GALNT17: variants seen among roughly 807,000 people sequenced by gnomAD.
GALNT17 encodes UDP-GalNAc:polypeptide N-acetylgalactosaminyltransferase-like 3.
Under a neutral mutation model 63.7 loss-of-function variants are expected in GALNT17, and 29 were observed. The ratio of observed to expected loss-of-function variants is 0.46; its 90% CI spans 0.34 to 0.62. The LOEUF (loss-of-function observed/expected upper bound fraction) is 0.62. Ranked by LOEUF, GALNT17 falls within the 20% of genes least tolerant of loss-of-function variation. The pLI is 0.01. For missense variants in GALNT17, 603 were observed against 799.6 expected (o/e 0.75, Z 2.97); for synonymous variants, 305 against 318.3 (o/e 0.96, Z 0.45).
chr7:71,380,358 C>A (rs1009683350), intron 2 of GALNT17, among the ~76,000 whole-genome samples: 1 of 151,998 alleles, frequency 6.6e-6, no homozygotes, highest in Non-Finnish European at 1.5e-5. Context: ...ATTTTTGAAA[C>A]AGAATCTTGT....
chr7:71,202,773 G>A (rs1002972581), intron 1 of GALNT17, among the ~76,000 whole-genome samples: 25 of 152,040 alleles, frequency 1.6e-4, no homozygotes, highest in Non-Finnish European at 2.1e-4. Context: ...AAAACCCCAC[G>A]GCCACTGCCA....
At position 71,217,143 on chromosome 7, in the gene GALNT17, TTG is replaced by T. The variant is rs1169924452; in HGVS notation, c.238+84105_238+84106del. ...CATGCACAGCTAATTTTTTCGTGTT[TTG>T]TTTTTTTTTTTTTTTTTTTTGAGAT... On this transcript the variant is annotated intron_variant, in intron 1 of 10. Coordinates refer to ENST00000333538, the MANE Select transcript of GALNT17 (RefSeq NM_022479.3). Among the ~76,000 whole-genome samples, 80 of 140,756 alleles carry T rather than the reference TTG, an allele frequency of 5.7e-4. 1 individual carries two copies. The highest frequency in any genetic ancestry group is 2.0e-3 in the African/African-American group (72 of 35,150). The allele number at this position is 140,756 out of a possible 152,430, so 92.3% of individuals were successfully genotyped here.
At chr7:71,620,954 G>A (rs1162824001) in intron 6 of GALNT17, among the ~76,000 whole-genome samples, 1 of 152,154 alleles carries the variant, frequency 6.6e-6, no homozygotes, top group African/African-American at 2.4e-5. Flanking sequence ...CTGCCTGTGG[G>A]ACAATGGACT....
At chr7:71,310,553 A>T (rs1056587831) in intron 1 of GALNT17, among the ~76,000 whole-genome samples, 1 of 152,200 alleles carries the variant, frequency 6.6e-6, no homozygotes. Flanking sequence ...TTACCTAAGG[A>T]TTCTAGTGGC....
At chr7:71,471,297 C>G (rs899498346) in intron 5 of GALNT17, among the ~76,000 whole-genome samples, 1 of 150,538 alleles carries the variant, frequency 6.6e-6, no homozygotes, top group South Asian at 2.1e-4. Flanking sequence ...GGCTGGTCTC[C>G]GAACTGCTGG....
intron 5 of GALNT17, among the ~76,000 whole-genome samples, chr7:71,456,886 A>G (rs576694438): frequency 3.7e-4 from 56 of 152,272 alleles, no homozygotes; most frequent in African/African-American, 1.3e-3. Context: ...GACGTGAGAC[A>G]TCTATCACTA....
intron 1 of GALNT17, among the ~76,000 whole-genome samples, chr7:71,212,400 AG>A (rs1362728528): frequency 1.3e-5 from 2 of 152,232 alleles, no homozygotes; most frequent in African/African-American, 4.8e-5. Flanking sequence ...AGTTTGCTGC[AG>A]GGGTGGGGCC....
chr7:71,654,324 C>T (rs1338084444), intron 6 of GALNT17, among the ~76,000 whole-genome samples: 1 of 152,150 alleles, frequency 6.6e-6, no homozygotes, highest in Non-Finnish European at 1.5e-5. Flanking sequence ...TGCGCCCGGC[C>T]GGCTGGAGGG....
chr7:71,176,438 C>G (rs1002731), intron 1 of GALNT17, among the ~76,000 whole-genome samples: 40,015 of 151,990 alleles, frequency 0.26, 9,788 homozygotes, highest in African/African-American at 0.66. Flanking sequence ...AAAAATCTGA[C>G]CTGACACTCA....
At position 71,677,307 on chromosome 7, in the gene GALNT17, G is replaced by T; in HGVS notation, c.1500+1G>T. ...TCCGTGCCATGGCTGGGGACCACAG[G>T]TAGGAGCTCGTCTCTGACCAGGAAG... is the stretch of plus-strand genomic sequence containing the variant. On this transcript the variant is annotated splice_donor_variant, in intron 9 of 10. Transcript: ENST00000333538. LOFTEE classifies it high-confidence loss of function. 1 of 1,613,404 alleles carries T rather than the reference G, an allele frequency of 6.2e-7. No individual in the cohort carries two copies. Among genetic ancestry groups the T allele is most frequent in the Non-Finnish European group, 8.5e-7 (1 of 1,179,610 alleles).
intron 2 of GALNT17, among the ~76,000 whole-genome samples, chr7:71,366,037 C>G (rs1792499630): frequency 6.6e-6 from 1 of 152,152 alleles, no homozygotes; most frequent in African/African-American, 2.4e-5. Flanking sequence ...AGCTCGCAAC[C>G]TAGATCCCTC....
intron 10 of GALNT17, 59 bp downstream of exon 10, chr7:71,710,987 A>G (rs1791784184): frequency 6.3e-7 from 1 of 1,575,818 alleles, no homozygotes; most frequent in Non-Finnish European, 8.6e-7. Context: ...TGCAGACCAC[A>G]GAGGGGAATC....
chr7:71,693,293 C>CATATATATATATATATATAT (rs1458750955), intron 9 of GALNT17, among the ~76,000 whole-genome samples: 3 of 121,014 alleles, frequency 2.5e-5, no homozygotes, highest in Non-Finnish European at 4.9e-5. Context: ...CACACACACA[C>CATATATATATATATATATAT]ACACACACAC....
At chr7:71,393,450 C>T (rs1793085222) in intron 3 of GALNT17, among the ~76,000 whole-genome samples, 1 of 152,122 alleles carries the variant, frequency 6.6e-6, no homozygotes, top group Non-Finnish European at 1.5e-5. Flanking sequence ...TTCGCCCATG[C>T]CCTTACCCTC....
intron 1 of GALNT17, among the ~76,000 whole-genome samples, chr7:71,254,045 A>T (rs903651670): frequency 6.6e-6 from 1 of 152,130 alleles, no homozygotes; most frequent in African/African-American, 2.4e-5. Context: ...TTTCAGGGAG[A>T]CATAAGACAT....
At chr7:71,441,635 T>C (rs923059639) in intron 5 of GALNT17, among the ~76,000 whole-genome samples, 1 of 152,114 alleles carries the variant, frequency 6.6e-6, no homozygotes, top group Non-Finnish European at 1.5e-5. Flanking sequence ...CTCCCTCCCT[T>C]CGCCCCTCAC....
At chr7:71,201,879 C>T (rs1010678820) in intron 1 of GALNT17, among the ~76,000 whole-genome samples, 3 of 152,112 alleles carry the variant, frequency 2.0e-5, no homozygotes, top group South Asian at 4.1e-4. Flanking sequence ...GTGATCCACC[C>T]GCCTCTGCCT....
At chr7:71,604,468 A>G (rs776889683) in intron 6 of GALNT17, among the ~76,000 whole-genome samples, 2 of 152,200 alleles carry the variant, frequency 1.3e-5, no homozygotes, top group African/African-American at 4.8e-5. Flanking sequence ...TTAAGTGCTC[A>G]TTGCCTTATT....
chr7:71,686,881 G>A (rs1404613315), intron 9 of GALNT17, among the ~76,000 whole-genome samples: 1 of 152,104 alleles, frequency 6.6e-6, no homozygotes, highest in Non-Finnish European at 1.5e-5. Flanking sequence ...TGACTAACAG[G>A]GTCTGCAAGA....
Sources: allele counts gnomAD v4.1 joint callset (sites outside exome capture counted in the v4.1 genomes callset), GRCh38; gene constraint gnomAD v4.1.1; transcripts MANE v1.5; gene names NCBI Gene and HGNC (gene_info 2026-07-23, HGNC 2026-07-21).